Variants in RAD54B observed in about 807,000 individuals in gnomAD.
RAD54B encodes DNA repair and recombination protein RAD54B.
Under a neutral mutation model 95.8 loss-of-function variants are expected in RAD54B, and 78 were observed. That is an observed-to-expected ratio of 0.81 (90% CI 0.68 to 0.98). The LOEUF is 0.98. RAD54B is among the 50% of genes least tolerant of loss of function. RAD54B has a pLI of 0.00. For synonymous variants in RAD54B, 328 were observed against 354.9 expected, an observed-to-expected ratio of 0.92 and a Z score of 0.85; for missense variants, 957 against 1,056.6, an observed-to-expected ratio of 0.91 and a Z score of 1.31.
intron 14 of RAD54B, among the ~76,000 whole-genome samples, chr8:94,376,435 G>C (rs1232653011): frequency 2.0e-5 from 3 of 151,758 alleles, no homozygotes; most frequent in African/African-American, 7.3e-5. Context: ...AAAGAAGACT[G>C]AAAAATCATT....
At chr8:94,398,872 T>C (rs949168962) in intron 8 of RAD54B, among the ~76,000 whole-genome samples, 4 of 152,058 alleles carry the variant, frequency 2.6e-5, no homozygotes, top group Admixed American at 1.3e-4. Flanking sequence ...TGTCCAACAA[T>C]AAACCATGCA....
At chr8:94,385,750 G>C (rs958807845) in intron 11 of RAD54B, among the ~76,000 whole-genome samples, 6 of 152,178 alleles carry the variant, frequency 3.9e-5, no homozygotes, top group Non-Finnish European at 7.4e-5. Flanking sequence ...GTTGAGCTGA[G>C]GCTTAACAAA....
intron 3 of RAD54B, among the ~76,000 whole-genome samples, chr8:94,417,581 T>C (rs1178372709): frequency 6.6e-6 from 1 of 152,070 alleles, no homozygotes; most frequent in African/African-American, 2.4e-5. Flanking sequence ...TACAACTAGT[T>C]TGGAAAATGG....
chr8:94,390,517 A>T (rs114278137), intron 10 of RAD54B, among the ~76,000 whole-genome samples: 1 of 149,228 alleles, frequency 6.7e-6, no homozygotes, highest in Non-Finnish European at 1.5e-5. Context: ...TAAATAAATA[A>T]ACAAATAAAT....
At chr8:94,452,585 G>A (rs535961609) in intron 3 of RAD54B, among the ~76,000 whole-genome samples, 4 of 152,000 alleles carry the variant, frequency 2.6e-5, no homozygotes, top group East Asian at 3.9e-4. Context: ...TGCAAGCTCC[G>A]CTCCTGGGTT....
At chr8:94,436,978 T>C (rs1303868650) in intron 3 of RAD54B, 2 of 1,421,336 alleles carry the variant, frequency 1.4e-6, no homozygotes, top group African/African-American at 2.9e-5. Flanking sequence ...GCTAGCCTCA[T>C]TTAGGCCCAC....
intron 3 of RAD54B, chr8:94,430,248 T>C (rs1465256861): frequency 3.7e-6 from 3 of 800,244 alleles, no homozygotes; most frequent in Middle Eastern, 6.3e-4. Flanking sequence ...GAAACGGAGA[T>C]TGCAGTGAGC....
Position 94,400,386 on chromosome 8 carries a change from C to G in RAD54B, c.1022G>C (p.Trp341Ser). Reference sequence around the variant, plus strand: ...ATAGGGTCCCTGACACTGCAGGGTCCAGATGAGCGAAATACATTGCAATGT... The same window carrying G: ...ATAGGGTCCCTGACACTGCAGGGTCGAGATGAGCGAAATACATTGCAATGT... ...GKTLQCISLI[W>S]TLQCQGPYGG... is the part of the protein sequence containing the mutation. Residue 341 changes from tryptophan (W) to serine (S), a missense_variant, in exon 7 of 15, where the codon TGG (tryptophan) becomes TCG (serine). Coordinates refer to ENST00000336148, the MANE Select transcript of RAD54B (RefSeq NM_012415.3). 6.2e-7 allele frequency: 1 copy of G among 1,613,740 alleles called. No homozygotes were observed. The highest frequency in any genetic ancestry group is 8.5e-7 in the Non-Finnish European group (1 of 1,179,900).
At chr8:94,427,726 T>C (rs1287237897) in intron 3 of RAD54B, 1 of 981,928 alleles carries the variant, frequency 1.0e-6, no homozygotes, top group Non-Finnish European at 1.2e-6. Context: ...TACAAAGTAG[T>C]ATCTTGTATT....
At chr8:94,414,453 G>T (rs1811604676) in intron 3 of RAD54B, among the ~76,000 whole-genome samples, 1 of 152,108 alleles carries the variant, frequency 6.6e-6, no homozygotes. Context: ...GTGTGATATT[G>T]GCTGTGGGTT....
rs542028588 is a variant in RAD54B, at chr8:94,421,574, T to G, written c.305-10259A>C. ...CATGTCCACATATCTCATAAACATC[T>G]CAAACTCATCATGTCCATGTATCTT... On this transcript the variant is annotated intron_variant, in intron 3 of 14. Transcript: ENST00000336148. 9.0e-4 allele frequency among the ~76,000 whole-genome samples: 137 copies of G among 152,270 alleles called. 1 individual carries two copies. The highest frequency in any genetic ancestry group is 3.0e-3 in the African/African-American group (126 of 41,558).
chr8:94,470,313 T>C (rs928991751), intron 1 of RAD54B, among the ~76,000 whole-genome samples: 1 of 151,646 alleles, frequency 6.6e-6, no homozygotes, highest in Non-Finnish European at 1.5e-5. Context: ...ATATAAGAAT[T>C]TGAGGCCAGG....
Position 94,372,498 on chromosome 8 carries a change from C to A in RAD54B, c.2516-111G>T, listed in dbSNP as rs916952044. On this transcript the variant is annotated intron_variant, in intron 14 of 14. Coordinates refer to ENST00000336148, the MANE Select transcript of RAD54B (RefSeq NM_012415.3). The stretch of plus-strand genomic sequence containing the variant: ...TTATGTGATTTATTACATTTGATCA[C>A]CATGGTTCAAGTTAAAACAAATTCA... 13 of 1,481,084 alleles carry A rather than the reference C, an allele frequency of 8.8e-6. No individual in the cohort carries two copies. The African/African-American group carries it at 1.6e-4, about 18-fold the overall frequency. 91.7% of individuals were successfully genotyped at this position (1,481,084 alleles called of 1,614,324 possible). A position where few individuals can be genotyped will look rare whatever the true frequency, so the allele number is the denominator to read the frequency against.
chr8:94,390,519 C>G lies in RAD54B; in HGVS notation c.1809+1090G>C, dbSNP rs190904036. ...TCATCTCAAAAAATAAATAAATAAACAAATAAATAAACAGCATCACTAAGT... is the reference window on the plus strand; with the variant it reads ...TCATCTCAAAAAATAAATAAATAAAGAAATAAATAAACAGCATCACTAAGT... On this transcript the variant is annotated intron_variant, in intron 10 of 14. Transcript: ENST00000336148. Among the ~76,000 whole-genome samples the G allele has an allele frequency of 1.5e-3, 218 of 148,638 alleles. 1 individual carries two copies. The highest frequency in any genetic ancestry group is 5.0e-3 in the African/African-American group (205 of 40,934).
intron 3 of RAD54B, among the ~76,000 whole-genome samples, chr8:94,413,857 A>G (rs1465213989): frequency 7.1e-6 from 1 of 140,660 alleles, no homozygotes; most frequent in African/African-American, 2.7e-5. Context: ...TTTTTTTGAG[A>G]CAGAGTTTTG....
intron 8 of RAD54B, among the ~76,000 whole-genome samples, chr8:94,396,642 C>A (rs575220791): frequency 1.3e-5 from 2 of 152,096 alleles, no homozygotes; most frequent in Admixed American, 1.3e-4. Flanking sequence ...AAGAATTAAT[C>A]TCAGATTTAT....
At chr8:94,438,634 A>G (rs1812328044) in intron 3 of RAD54B, among the ~76,000 whole-genome samples, 1 of 152,226 alleles carries the variant, frequency 6.6e-6, no homozygotes, top group Non-Finnish European at 1.5e-5. Flanking sequence ...AACACAGGGT[A>G]TATACTTTAG....
intron 3 of RAD54B, among the ~76,000 whole-genome samples, chr8:94,447,550 C>A (rs552708273): frequency 6.6e-6 from 1 of 152,336 alleles, no homozygotes; most frequent in East Asian, 1.9e-4. Context: ...ATAACTCTCA[C>A]TTCTAAGGAA....
Position 94,448,642 on chromosome 8 carries a change from C to A in RAD54B, c.304+9626G>T, listed in dbSNP as rs543178410. On this transcript the variant is annotated intron_variant, in intron 3 of 14. Coordinates refer to ENST00000336148, the MANE Select transcript of RAD54B (RefSeq NM_012415.3). ...TGACATTATGCTAAATGAATTAAGC[C>A]AGACACAGAAAGAAAAATACTGCAT... 9.4e-5 allele frequency among the ~76,000 whole-genome samples: 14 copies of A among 148,414 alleles called. No homozygotes were observed. In the South Asian group the frequency reaches 3.0e-3, roughly 32 times the overall value.
Sources: gnomAD v4.1 joint callset for allele counts (sites outside exome capture counted in the v4.1 genomes callset) on GRCh38, gnomAD v4.1.1 for gene constraint, MANE v1.5 for transcripts, NCBI Gene and HGNC (gene_info 2026-07-23, HGNC 2026-07-21) for gene names.